Variants in TREX1 observed in about 807,000 individuals in gnomAD.
TREX1 encodes three prime repair exonuclease 1.
Under a neutral mutation model 13.7 loss-of-function variants are expected in TREX1, and 11 were observed. That is an observed-to-expected ratio of 0.80 (90% CI 0.51 to 1.33). The LOEUF (loss-of-function observed/expected upper bound fraction) is 1.33. Ranked by LOEUF, TREX1 falls within the 40% of genes most tolerant of loss-of-function variation. The pLI is 0.00. For missense variants in TREX1, 409 were observed against 404.4 expected, an observed-to-expected ratio of 1.01 and a Z score of -0.10; for synonymous variants, 178 against 178.8, an observed-to-expected ratio of 1.00 and a Z score of 0.03.
rs77371662 is a variant in TREX1 at position 48,467,020 on chromosome 3, T to TGGC, written c.366_368dup (p.Ala123dup). 1.2e-6 allele frequency: 2 copies of TGGC among 1,613,932 alleles called. No individual in the cohort carries two copies. The highest frequency in any genetic ancestry group is 1.7e-6 in the Non-Finnish European group (2 of 1,180,036). Reference sequence around the variant, plus strand: ...CGCCAGCCACAGCCCTGGTGCCTGGTGGCACACAATGGTGACCGCTACGAC... The same window carrying TGGC: ...CGCCAGCCACAGCCCTGGTGCCTGGTGGCGGCACACAATGGTGACCGCTACGAC... On this transcript the variant is annotated inframe_insertion, in exon 2 of 2. Transcript: ENST00000625293.
rs1315987398 is a variant in TREX1 at position 48,466,816 on chromosome 3, C to G, written c.161C>G (p.Pro54Arg). ...LESPPTSQGP[P>R]PTVPPPPRVV... is the part of the protein sequence containing the mutation. ...AGCCCCCCCACCTCTCAGGGGCCACCTCCCACAGTTCCTCCACCACCGCGT... is the reference window on the plus strand; with the variant it reads ...AGCCCCCCCACCTCTCAGGGGCCACGTCCCACAGTTCCTCCACCACCGCGT... The change falls in exon 2 of 2, where the codon CCT becomes CGT. Residue 54 changes from proline (P) to arginine (R), a missense_variant. Coordinates refer to ENST00000625293, the MANE Select transcript of TREX1 (RefSeq NM_033629.6). The G allele has an allele frequency of 1.9e-6, 3 of 1,614,000 alleles. No individual in the cohort carries two copies. The highest frequency in any genetic ancestry group is 1.1e-5 in the South Asian group (1 of 91,086).
Position 48,467,149 on chromosome 3 carries a change from C to G in TREX1, c.494C>G (p.Ala165Gly). Residue 165 changes from alanine to glycine, a missense_variant, in exon 2 of 2, where the codon GCA becomes GGA. By Grantham distance (60) the Ala-to-Gly change is moderately conservative. Transcript: ENST00000625293. ...ACTGCGCTGAAGGCCCTGGAGCGAG[C>G]AAGCAGCCCCTCAGAACACGGCCCA... is the stretch of plus-strand genomic sequence containing the variant. ...SITALKALER[A>G]SSPSEHGPRK... The G allele has an allele frequency of 1.2e-6, 2 of 1,614,038 alleles. No individual in the cohort carries two copies. Among genetic ancestry groups the G allele is most frequent in the Non-Finnish European group, 8.5e-7 (1 of 1,180,034 alleles).
In TREX1 at chr3:48,466,819, C is replaced by T; in HGVS notation, c.164C>T (p.Pro55Leu). Residue 55 changes from proline (P) to leucine (L), a missense_variant, in exon 2 of 2, where the codon CCC becomes CTC. By Grantham distance (98) the Pro-to-Leu change is moderately conservative (BLOSUM62 -3). Coordinates refer to ENST00000625293, the MANE Select transcript of TREX1 (RefSeq NM_033629.6). ...ESPPTSQGPP[P>L]TVPPPPRVVD... is the part of the protein sequence containing the mutation. Reference sequence around the variant, plus strand: ...CCCCCCACCTCTCAGGGGCCACCTCCCACAGTTCCTCCACCACCGCGTGTG... The same window carrying T: ...CCCCCCACCTCTCAGGGGCCACCTCTCACAGTTCCTCCACCACCGCGTGTG... 3.1e-6 allele frequency: 5 copies of T among 1,614,016 alleles called. No homozygotes were observed. Among genetic ancestry groups the T allele is most frequent in the Non-Finnish European group, 4.2e-6 (5 of 1,180,038 alleles).
chr3:48,466,620 T>C lies in TREX1; in HGVS notation c.-26-10T>C. 6.2e-7 allele frequency: 1 copy of C among 1,612,020 alleles called. No homozygotes were observed. On this transcript the variant is annotated splice_polypyrimidine_tract_variant and intron_variant, in intron 1 of 1. Transcript: ENST00000625293. ...GGGCACTCACACACCCACCCCATGC[T>C]CCTCTCCAGGCTCAGCAGCAGGTAC... is the stretch of plus-strand genomic sequence containing the variant.
rs778078132 is a variant in TREX1, at chr3:48,467,338, C to CCAT, written c.686_688dup (p.Ile229dup). On this transcript the variant is annotated inframe_insertion, in exon 2 of 2. Coordinates refer to ENST00000625293, the MANE Select transcript of TREX1 (RefSeq NM_033629.6). Reference sequence around the variant, plus strand: ...GATGCTCACGCCAGGCCTTTCGGCACCATCAGGCCCATGTATGGGGTCACA... The same window carrying CCAT: ...GATGCTCACGCCAGGCCTTTCGGCACCATCATCAGGCCCATGTATGGGGTCACA... 5 of 1,614,178 alleles carry CCAT rather than the reference C, an allele frequency of 3.1e-6. No individual in the cohort carries two copies. The East Asian group carries it at 1.1e-4, about 36-fold the overall frequency.
At chr3:48,466,503 G>A (rs759414223) in intron 1 of TREX1, 127 bp from the exon 2 acceptor site, 2 of 1,614,004 alleles carry the variant, frequency 1.2e-6, no homozygotes, top group East Asian at 2.2e-5. Flanking sequence ...GGGCCCTGGA[G>A]CTCGCAGACA....
Position 48,467,488 on chromosome 3 carries a change from A to T in TREX1, c.833A>T (p.Asp278Val), listed in dbSNP as rs2040383072. The change falls in exon 2 of 2, where the codon GAC becomes GTC. Residue 278 changes from aspartate (D) to valine (V), a missense_variant. Transcript: ENST00000625293. ...ACCAAGGATCTTCCTCCAGTGAAGG[A>T]CCCTGGAGCCCTATCCAGGGAGGGG... is the stretch of plus-strand genomic sequence containing the variant. ...RGTKDLPPVK[D>V]PGALSREGLL... 1.2e-6 allele frequency: 2 copies of T among 1,613,862 alleles called. No homozygotes were observed. The highest frequency in any genetic ancestry group is 1.3e-5 in the African/African-American group (1 of 74,880).
chr3:48,466,554 C>T, intron 1 of TREX1, 76 bp from the exon 2 acceptor site: 1 of 1,613,928 alleles, frequency 6.2e-7, no homozygotes, highest in Non-Finnish European at 8.5e-7. Flanking sequence ...GTGCTTCTGC[C>T]CACCCCCTAC....
chr3:48,467,518 T>C lies in TREX1; in HGVS notation c.863T>C (p.Leu288Pro). ...DPGALSREGL[L>P]APLGLLAILT... is the part of the protein sequence containing the mutation. ...GGAGCCCTATCCAGGGAGGGGCTGC[T>C]GGCCCCACTGGGTCTGCTGGCCATC... The change falls in exon 2 of 2, where the codon CTG (leucine) becomes CCG (proline). Residue 288 changes from leucine (L) to proline (P), a missense_variant. Transcript: ENST00000625293. 1.2e-6 allele frequency: 2 copies of C among 1,613,726 alleles called. No individual in the cohort carries two copies. Among genetic ancestry groups the C allele is most frequent in the South Asian group, 1.1e-5 (1 of 91,040 alleles).
In TREX1 at chr3:48,466,903, A is replaced by G. The variant is rs771727910; in HGVS notation, c.248A>G (p.Glu83Gly). The stretch of plus-strand genomic sequence containing the variant: ...AAGGCCTGCAGCCCTGCAGCCAGCG[A>G]GATCACAGGTCTGAGCACAGCTGTG... ...PGKACSPAAS[E>G]ITGLSTAVLA... is the part of the protein sequence containing the mutation. The change falls in exon 2 of 2, where the codon GAG (glutamate) becomes GGG (glycine). Residue 83 changes from glutamate (E) to glycine (G), a missense_variant. Transcript: ENST00000625293. 1 of 1,612,002 alleles carries G rather than the reference A, an allele frequency of 6.2e-7. No homozygotes were observed.
Position 48,467,475 on chromosome 3 carries a change from C to T in TREX1, c.820C>T (p.Pro274Ser). ...LGESRGTKDL[P>S]PVKDPGALSR... ...AGAGAGCAGGGGTACCAAGGATCTT[C>T]CTCCAGTGAAGGACCCTGGAGCCCT... The change falls in exon 2 of 2, where the codon CCT (proline) becomes TCT (serine). Residue 274 changes from proline (P) to serine (S), a missense_variant. Transcript: ENST00000625293. 1 of 1,614,172 alleles carries T rather than the reference C, an allele frequency of 6.2e-7. No individual in the cohort carries two copies. Among genetic ancestry groups the T allele is most frequent in the Non-Finnish European group, 8.5e-7 (1 of 1,180,032 alleles).
At chr3:48,466,102 G>A (rs1575290351), upstream of TREX1, 1 of 389,714 alleles carries the variant, frequency 2.6e-6, no homozygotes, top group East Asian at 6.1e-5. Context: ...AGGCCTCTGG[G>A]GTCCCCCGGG....
At chr3:48,466,583 G>GATC (rs747118585) in intron 1 of TREX1, 47 bp from the exon 2 acceptor site, 38 of 1,613,782 alleles carry the variant, frequency 2.4e-5, no homozygotes, top group Non-Finnish European at 3.2e-5. Context: ...CTCCCCTTCG[G>GATC]ATCTTAACAC....
intron 1 of TREX1, 120 bp from the exon 2 acceptor site, chr3:48,466,510 G>A (rs760207170): frequency 9.3e-6 from 15 of 1,613,926 alleles, no homozygotes; most frequent in Non-Finnish European, 1.3e-5. Context: ...GGAGCTCGCA[G>A]ACAGGGCAGG....
Position 48,467,363 on chromosome 3 carries a change from A to T in TREX1, c.708A>T (p.Thr236=). The T allele has an allele frequency of 6.2e-7, 1 of 1,614,166 alleles. No homozygotes were observed. The highest frequency in any genetic ancestry group is 8.5e-7 in the Non-Finnish European group (1 of 1,180,038). The change falls in exon 2 of 2, where the codon ACA becomes ACT. Residue 236 remains threonine (T), a synonymous_variant. Transcript: ENST00000625293. Reference sequence around the variant, plus strand: ...CCATCAGGCCCATGTATGGGGTCACAGCCTCTGCTAGGACCAAGCCAAGAC... The same window carrying T: ...CCATCAGGCCCATGTATGGGGTCACTGCCTCTGCTAGGACCAAGCCAAGAC... ...FGTIRPMYGV[T]ASARTKPRPS... is the part of the protein sequence containing the mutation.
rs763703777 is a variant in TREX1 at position 48,466,511 on chromosome 3, A to G, written c.-26-119A>G. ...TGAAAATGGGCCCTGGAGCTCGCAGACAGGGCAGGATTGTGCAGGGAAGGC... is the reference window on the plus strand; with the variant it reads ...TGAAAATGGGCCCTGGAGCTCGCAGGCAGGGCAGGATTGTGCAGGGAAGGC... On this transcript the variant is annotated intron_variant, in intron 1 of 1. Transcript: ENST00000625293. 13 of 1,613,900 alleles carry G rather than the reference A, an allele frequency of 8.1e-6. No homozygotes were observed. In the South Asian group the frequency reaches 1.3e-4, roughly 16 times the overall value.
Position 48,466,911 on chromosome 3 carries a change from G to C in TREX1, c.256G>C (p.Gly86Arg), listed in dbSNP as rs770072023. The change falls in exon 2 of 2, where the codon GGT (glycine) becomes CGT (arginine). Residue 86 changes from glycine (G) to arginine (R), a missense_variant. By Grantham distance (125) the Gly-to-Arg change is moderately radical. Transcript: ENST00000625293. ...ACSPAASEIT[G>R]LSTAVLAAHG... Reference sequence around the variant, plus strand: ...CAGCCCTGCAGCCAGCGAGATCACAGGTCTGAGCACAGCTGTGCTGGCAGC... The same window carrying C: ...CAGCCCTGCAGCCAGCGAGATCACACGTCTGAGCACAGCTGTGCTGGCAGC... 1.2e-6 allele frequency: 2 copies of C among 1,611,850 alleles called. No individual in the cohort carries two copies. Among genetic ancestry groups the C allele is most frequent in the South Asian group, 2.2e-5 (2 of 91,090 alleles).
At position 48,466,893 on chromosome 3, in the gene TREX1, GCAGC is replaced by G. The variant is rs2040335386; in HGVS notation, c.243_246del (p.Ser82ArgfsTer5). 6.2e-7 allele frequency: 1 copy of G among 1,612,378 alleles called. No homozygotes were observed. Reference sequence around the variant, plus strand: ...GGCTCCGGGGAAGGCCTGCAGCCCTGCAGCCAGCGAGATCACAGGTCTGAGCACA... The same window carrying G: ...GGCTCCGGGGAAGGCCTGCAGCCCTGCAGCGAGATCACAGGTCTGAGCACA... On this transcript the variant is annotated frameshift_variant, in exon 2 of 2. Coordinates refer to ENST00000625293, the MANE Select transcript of TREX1 (RefSeq NM_033629.6). LOFTEE classifies it high-confidence loss of function.
At chr3:48,466,468 CCT>C in intron 1 of TREX1, 159 bp downstream of exon 1, 1 of 1,613,836 alleles carries the variant, frequency 6.2e-7, no homozygotes, top group Non-Finnish European at 8.5e-7. Flanking sequence ...ACCACCTCAC[CCT>C]CTCCAACTTC....
Sources: gnomAD v4.1 joint callset for allele counts on GRCh38, gnomAD v4.1.1 for gene constraint, MANE v1.5 for transcripts, NCBI Gene and HGNC (gene_info 2026-07-23, HGNC 2026-07-21) for gene names.